PPM1D: variants seen among roughly 807,000 people sequenced by gnomAD.
The protein encoded by PPM1D is protein phosphatase, Mg2+/Mn2+ dependent 1D.
PPM1D carries 52 observed loss-of-function variants against 58.3 expected under a neutral mutation model. That is an observed-to-expected ratio of 0.89 (90% CI 0.71 to 1.12). The LOEUF is 1.12. Among genes scored for constraint, PPM1D ranks in the 50% most tolerant of loss-of-function variants. The pLI is 0.00. For synonymous variants in PPM1D, 278 were observed against 285.1 expected (o/e 0.98, Z 0.25); for missense variants, 564 against 777.2 (o/e 0.73, Z 3.26).
rs2031581064 is a variant in PPM1D, at chr17:60,664,198, A to AT, written c.*647dup. On this transcript the variant is annotated 3_prime_UTR_variant, in exon 6 of 6. Transcript: ENST00000305921. ...GTAGCATTTTTCTAAAACCTTAGTC[A>AT]TCAGATATGCTTACTAAATCTTCAG... 1 of 152,798 alleles carries AT rather than the reference A, an allele frequency of 6.5e-6. No individual in the cohort carries two copies. The highest frequency in any genetic ancestry group is 1.9e-4 in the East Asian group (1 of 5,184). The allele number at this position is 152,798 out of a possible 1,614,324, so 9.5% of individuals were successfully genotyped here.
At chr17:60,621,958 C>T (rs1197317584) in intron 1 of PPM1D, among the ~76,000 whole-genome samples, 8 of 149,730 alleles carry the variant, frequency 5.3e-5, no homozygotes, top group Admixed American at 2.7e-4. Flanking sequence ...GAGGCCAAGG[C>T]GGGCAGATCA....
chr17:60,625,695 G>T (rs1286998309), intron 2 of PPM1D, among the ~76,000 whole-genome samples: 1 of 152,136 alleles, frequency 6.6e-6, no homozygotes, highest in East Asian at 1.9e-4. Context: ...TGTATATGGG[G>T]AAGGTTTAAT....
At chr17:60,628,521 C>A (rs902247747) in intron 2 of PPM1D, among the ~76,000 whole-genome samples, 1 of 152,180 alleles carries the variant, frequency 6.6e-6, no homozygotes. Flanking sequence ...ATCCCTCCCC[C>A]ACTTACTCCT....
chr17:60,645,494 A>ATGTGTG (rs1406303977), intron 3 of PPM1D, among the ~76,000 whole-genome samples: 1 of 79,682 alleles, frequency 1.3e-5, no homozygotes, highest in African/African-American at 4.1e-5. Context: ...GTGTGTGTGT[A>ATGTGTG]TGTGTATATA....
chr17:60,645,596 A>ATATGTG (rs1567974780), intron 3 of PPM1D, among the ~76,000 whole-genome samples: 6 of 138,944 alleles, frequency 4.3e-5, no homozygotes, highest in African/African-American at 1.7e-4. Flanking sequence ...GTGTATATAT[A>ATATGTG]TGTATATATA....
At chr17:60,661,699 T>A (rs1336194603) in intron 5 of PPM1D, among the ~76,000 whole-genome samples, 1 of 152,214 alleles carries the variant, frequency 6.6e-6, no homozygotes, top group Non-Finnish European at 1.5e-5. Context: ...TGTGTACTAC[T>A]TTTCTCAAAT....
At chr17:60,639,252 A>T (rs542958956) in intron 3 of PPM1D, among the ~76,000 whole-genome samples, 1 of 151,758 alleles carries the variant, frequency 6.6e-6, no homozygotes, top group Non-Finnish European at 1.5e-5. Context: ...AGTAGCTGGG[A>T]TTACAGGCAC....
chr17:60,612,989 T>C (rs2030491528), intron 1 of PPM1D, among the ~76,000 whole-genome samples: 1 of 152,212 alleles, frequency 6.6e-6, no homozygotes, highest in Admixed American at 6.5e-5. Context: ...GTCTCATTGT[T>C]GAGGTGCTCC....
chr17:60,607,862 A>C (rs1358696056), intron 1 of PPM1D, among the ~76,000 whole-genome samples: 1 of 152,252 alleles, frequency 6.6e-6, no homozygotes, highest in Non-Finnish European at 1.5e-5. Flanking sequence ...TGGACTGAAG[A>C]TTTAGAGCAT....
At chr17:60,610,683 TCAA>T (rs1346485820) in intron 1 of PPM1D, among the ~76,000 whole-genome samples, 2 of 152,216 alleles carry the variant, frequency 1.3e-5, no homozygotes, top group Non-Finnish European at 2.9e-5. Flanking sequence ...CTTTCACACT[TCAA>T]CAGCAGAGTT....
chr17:60,645,528 A>G (rs1166609183), intron 3 of PPM1D, among the ~76,000 whole-genome samples: 1 of 135,966 alleles, frequency 7.4e-6, no homozygotes, highest in Non-Finnish European at 1.6e-5. Context: ...ATATGTATAT[A>G]TATATGTGTA....
intron 4 of PPM1D, among the ~76,000 whole-genome samples, chr17:60,648,581 C>T (rs942713020): frequency 6.6e-6 from 1 of 151,848 alleles, no homozygotes; most frequent in Non-Finnish European, 1.5e-5. Flanking sequence ...GGTGGGGTTT[C>T]ACCTTGTTAG....
chr17:60,618,683 G>A (rs1170603811), intron 1 of PPM1D, among the ~76,000 whole-genome samples: 1 of 151,922 alleles, frequency 6.6e-6, no homozygotes, highest in Non-Finnish European at 1.5e-5. Context: ...TATATATTCT[G>A]GATGCTTTTC....
chr17:60,642,772 A>T (rs902035193), intron 3 of PPM1D, among the ~76,000 whole-genome samples: 18 of 152,068 alleles, frequency 1.2e-4, no homozygotes, highest in Admixed American at 6.6e-4. Flanking sequence ...ACTCTTCTTT[A>T]AAAAAGATTT....
chr17:60,628,608 G>T (rs1261416932), intron 2 of PPM1D, among the ~76,000 whole-genome samples: 1 of 152,118 alleles, frequency 6.6e-6, no homozygotes, highest in Non-Finnish European at 1.5e-5. Context: ...CATATAGTAT[G>T]TAGCCCCTAT....
chr17:60,651,151 G>A (rs752319855), intron 4 of PPM1D, among the ~76,000 whole-genome samples: 1 of 152,080 alleles, frequency 6.6e-6, no homozygotes, highest in Non-Finnish European at 1.5e-5. Flanking sequence ...GTGGAAAATG[G>A]TTTATATAAT....
intron 2 of PPM1D, among the ~76,000 whole-genome samples, chr17:60,632,148 C>T (rs913048383): frequency 4.6e-5 from 7 of 151,722 alleles, no homozygotes; most frequent in South Asian, 4.2e-4. Flanking sequence ...GAGCTGAGAT[C>T]GCACCACTGC....
intron 3 of PPM1D, 85 bp from the exon 4 acceptor site, chr17:60,647,807 G>A: frequency 1.5e-6 from 2 of 1,312,576 alleles, no homozygotes; most frequent in Non-Finnish European, 2.2e-6. Flanking sequence ...GAGATGAACT[G>A]TGTAGATTTT....
rs1044096738 is a variant in PPM1D, at chr17:60,656,683, A to G, written c.1102A>G (p.Thr368Ala). 6.2e-7 allele frequency: 1 copy of G among 1,614,070 alleles called. No homozygotes were observed. Among genetic ancestry groups the G allele is most frequent in the Non-Finnish European group, 8.5e-7 (1 of 1,180,040 alleles). Residue 368 changes from threonine to alanine, a missense_variant, in exon 5 of 6, where the codon ACT becomes GCT. Physicochemically the swap from Thr to Ala is moderately conservative, Grantham distance 58 (BLOSUM62 0). Around this residue, in one of 7 missense-constraint regions of PPM1D, gnomAD observed 18 missense variants for 43.9 expected, o/e 0.41. Coordinates refer to ENST00000305921, the MANE Select transcript of PPM1D (RefSeq NM_003620.4). ...WRQRMLRADN[T>A]SAIVICISPE... ...GCAGCGTATGCTCCGAGCAGATAAC[A>G]CTAGTGCCATAGTAATCTGCATCTC...
Sources: allele counts gnomAD v4.1 joint callset (sites outside exome capture counted in the v4.1 genomes callset), GRCh38; gene constraint gnomAD v4.1.1; regional missense constraint gnomAD v4.1.1; transcripts MANE v1.5; gene names NCBI Gene and HGNC (gene_info 2026-07-23, HGNC 2026-07-21).